The following LRRC4C variants were observed in gnomAD, a reference collection of about 807,000 sequenced individuals.
LRRC4C encodes leucine rich repeat containing 4C.
In LRRC4C, 5 loss-of-function variants were observed where a neutral mutation model predicts 33.6. That is an observed-to-expected ratio of 0.15 (90% CI 0.08 to 0.31). The LOEUF is 0.31. Ranked by LOEUF, LRRC4C falls within the 10% of genes least tolerant of loss-of-function variation. LRRC4C has a pLI of 1.00. For synonymous variants in LRRC4C, 329 were observed against 302.0 expected (o/e 1.09, Z -0.93); for missense variants, 560 against 796.7 (o/e 0.70, Z 3.58).
intron 5 of LRRC4C, among the ~76,000 whole-genome samples, chr11:40,197,026 A>G: frequency 6.6e-6 from 1 of 152,224 alleles, no homozygotes; most frequent in East Asian, 1.9e-4. Context: ...ATCATGCCCC[A>G]TCTTGCACCA....
Position 40,470,011 on chromosome 11 carries a change from C to T in LRRC4C, c.-269-150290G>A, listed in dbSNP as rs866054484. 3.9e-5 allele frequency among the ~76,000 whole-genome samples: 6 copies of T among 152,214 alleles called. No individual in the cohort carries two copies. The South Asian group carries it at 1.0e-3, about 26-fold the overall frequency. On this transcript the variant is annotated intron_variant, in intron 3 of 6. Coordinates refer to ENST00000528697, the MANE Select transcript of LRRC4C (RefSeq NM_001258419.2). Reference sequence around the variant, plus strand: ...GCTCTGAAGAGAAGAGTGGATCTCCCAGCACAGTGCTCGAGCTCTGCTAAG... The same window carrying T: ...GCTCTGAAGAGAAGAGTGGATCTCCTAGCACAGTGCTCGAGCTCTGCTAAG...
intron 3 of LRRC4C, among the ~76,000 whole-genome samples, chr11:40,620,706 A>G (rs1317774532): frequency 6.6e-6 from 1 of 151,836 alleles, no homozygotes; most frequent in African/African-American, 2.4e-5. Flanking sequence ...TGTGCGGTTA[A>G]AAGTGTGTAT....
chr11:40,596,783 A>G (rs2135776826), intron 3 of LRRC4C, among the ~76,000 whole-genome samples: 1 of 152,320 alleles, frequency 6.6e-6, no homozygotes, highest in Admixed American at 6.5e-5. Flanking sequence ...GTTGCAAATT[A>G]CAAGATTTCA....
chr11:40,660,052 T>C (rs1418197267), intron 2 of LRRC4C, among the ~76,000 whole-genome samples: 1 of 152,224 alleles, frequency 6.6e-6, no homozygotes, highest in Admixed American at 6.5e-5. Flanking sequence ...TGCAGTTCCT[T>C]GTGTTTCCAA....
At chr11:40,175,147 A>C (rs928461263) in intron 5 of LRRC4C, among the ~76,000 whole-genome samples, 11 of 152,240 alleles carry the variant, frequency 7.2e-5, no homozygotes, top group East Asian at 5.8e-4. Context: ...TAACATCACG[A>C]AGCAGTGGTT....
chr11:41,237,224 G>T (rs571237602), intron 1 of LRRC4C, among the ~76,000 whole-genome samples: 2 of 152,154 alleles, frequency 1.3e-5, no homozygotes, highest in African/African-American at 4.8e-5. Flanking sequence ...TTGAAAGCAG[G>T]TGTTACTGTT....
At chr11:41,388,193 T>G (rs570855457) in intron 1 of LRRC4C, among the ~76,000 whole-genome samples, 1 of 151,896 alleles carries the variant, frequency 6.6e-6, no homozygotes, top group East Asian at 1.9e-4. Context: ...ACTGGGAGAA[T>G]AGACATGAAT....
intron 1 of LRRC4C, among the ~76,000 whole-genome samples, chr11:41,368,041 T>A (rs1952609004): frequency 6.6e-6 from 1 of 152,210 alleles, no homozygotes; most frequent in Non-Finnish European, 1.5e-5. Flanking sequence ...TTACTTTCAA[T>A]GTGATAAGCC....
chr11:40,785,046 T>C (rs1459095772), intron 2 of LRRC4C, among the ~76,000 whole-genome samples: 1 of 152,192 alleles, frequency 6.6e-6, no homozygotes, highest in Non-Finnish European at 1.5e-5. Context: ...TGCTCATTAA[T>C]TGCAATGATA....
At chr11:41,449,640 G>T (rs1394928510) in intron 1 of LRRC4C, among the ~76,000 whole-genome samples, 1 of 151,912 alleles carries the variant, frequency 6.6e-6, no homozygotes, top group African/African-American at 2.4e-5. Context: ...TCTCATCAGG[G>T]AAGAAGATCA....
intron 1 of LRRC4C, among the ~76,000 whole-genome samples, chr11:41,129,764 A>T (rs1942925990): frequency 6.6e-6 from 1 of 151,950 alleles, no homozygotes; most frequent in Non-Finnish European, 1.5e-5. Context: ...GACTCTGATG[A>T]TTATTTTTAA....
intron 2 of LRRC4C, among the ~76,000 whole-genome samples, chr11:40,738,702 C>T (rs1045359092): frequency 2.6e-5 from 4 of 152,006 alleles, no homozygotes; most frequent in Admixed American, 2.6e-4. Flanking sequence ...AGAATGGATA[C>T]TTCCTTAGGC....
At chr11:41,435,574 T>C (rs1315870484) in intron 1 of LRRC4C, among the ~76,000 whole-genome samples, 2 of 152,212 alleles carry the variant, frequency 1.3e-5, no homozygotes, top group Non-Finnish European at 2.9e-5. Context: ...TAATTTAAAA[T>C]GACTTGTTAC....
chr11:40,520,944 A>C (rs79550060), intron 3 of LRRC4C, among the ~76,000 whole-genome samples: 1,709 of 152,272 alleles, frequency 0.011, 43 homozygotes, highest in African/African-American at 0.039. Flanking sequence ...TATTTTCATA[A>C]TATTCATTTC....
intron 1 of LRRC4C, among the ~76,000 whole-genome samples, chr11:41,063,166 G>A (rs555518745): frequency 6.6e-6 from 1 of 152,286 alleles, no homozygotes; most frequent in Non-Finnish European, 1.5e-5. Flanking sequence ...GTGTGTCAGA[G>A]TCTTCTTAAC....
intron 2 of LRRC4C, among the ~76,000 whole-genome samples, chr11:40,840,435 T>C (rs1952862111): frequency 6.6e-6 from 1 of 152,162 alleles, no homozygotes; most frequent in African/African-American, 2.4e-5. Context: ...CCTGCAAATC[T>C]GCATTAAAAT....
intron 1 of LRRC4C, among the ~76,000 whole-genome samples, chr11:41,109,865 C>T (rs1941728224): frequency 6.6e-6 from 1 of 151,966 alleles, no homozygotes; most frequent in Non-Finnish European, 1.5e-5. Context: ...GGAATACTTT[C>T]CTCAACTTTA....
At chr11:40,198,289 G>C (rs1389995567) in intron 5 of LRRC4C, among the ~76,000 whole-genome samples, 1 of 152,194 alleles carries the variant, frequency 6.6e-6, no homozygotes, top group African/African-American at 2.4e-5. Context: ...CCGTAAAATA[G>C]TGAAGTCTGA....
chr11:40,507,066 A>G (rs1014512506), intron 3 of LRRC4C, among the ~76,000 whole-genome samples: 1 of 152,106 alleles, frequency 6.6e-6, no homozygotes, highest in Admixed American at 6.5e-5. Flanking sequence ...AAGATACAAA[A>G]AACACTACAT....
Sources: gnomAD v4.1 joint callset for allele counts (sites outside exome capture counted in the v4.1 genomes callset) on GRCh38, gnomAD v4.1.1 for gene constraint, MANE v1.5 for transcripts, NCBI Gene and HGNC (gene_info 2026-07-23, HGNC 2026-07-21) for gene names.